The following ABCA8 variants were observed in gnomAD, a reference collection of about 807,000 sequenced individuals.
ABCA8 encodes the protein ATP binding cassette subfamily A member 8.
ABCA8 carries 177 observed loss-of-function variants against 192.3 expected under a neutral mutation model. The observed-to-expected ratio is 0.92, with a 90% CI of 0.81 to 1.04. The LOEUF is 1.04. ABCA8 is among the 50% of genes least tolerant of loss of function. The probability of loss-of-function intolerance (pLI) is 0.00; values close to 1 mark genes in which losing one functional copy is unlikely to be tolerated. For missense variants in ABCA8, 1,915 were observed against 1,904.8 expected (o/e 1.01, Z -0.10); for synonymous variants, 642 against 690.2 (o/e 0.93, Z 1.09).
At position 68,907,863 on chromosome 17, in the gene ABCA8, T is replaced by C. The variant is rs2067120682; in HGVS notation, c.2155A>G (p.Ile719Val). The change falls in exon 18 of 40, where the codon ATA becomes GTA. Residue 719 changes from isoleucine to valine, a missense_variant. Physicochemically the swap from Ile to Val is conservative, Grantham distance 29. Coordinates refer to ENST00000586539, the MANE Select transcript of ABCA8 (RefSeq NM_001288985.2). ...GYHLSLQLNE[I>V]CVEENITSLV... The stretch of plus-strand genomic sequence containing the variant: ...GATGTTATGTTTTCCTCAACACATA[T>C]TTCATTTAACTGCAAGCTGGCATTC... The C allele has an allele frequency of 6.3e-7, 1 of 1,583,792 alleles. No individual in the cohort carries two copies. The highest frequency in any genetic ancestry group is 1.4e-5 in the African/African-American group (1 of 72,476).
At position 68,867,459 on chromosome 17, in the gene ABCA8, A is replaced by G. The variant is rs1463014803; in HGVS notation, c.*626T>C. The G allele has an allele frequency of 6.6e-6, 1 of 152,210 alleles. No homozygotes were observed. The highest frequency in any genetic ancestry group is 1.5e-5 in the Non-Finnish European group (1 of 68,018). 9.4% of individuals were successfully genotyped at this position (152,210 alleles called of 1,614,324 possible). A position where few individuals can be genotyped will look rare whatever the true frequency, so the allele number is the denominator to read the frequency against. On this transcript the variant is annotated 3_prime_UTR_variant, in exon 40 of 40. Transcript: ENST00000586539. ...TTTAAAAGTCCAGTGAAAATGGCACACAGTTGGCTTACAGAAATAAAAAAG... is the reference window on the plus strand; with the variant it reads ...TTTAAAAGTCCAGTGAAAATGGCACGCAGTTGGCTTACAGAAATAAAAAAG...
At chr17:68,955,039 T>TA (rs1184280520) in intron 1 of ABCA8, among the ~76,000 whole-genome samples, 180 bp downstream of exon 1, 2 of 152,198 alleles carry the variant, frequency 1.3e-5, no homozygotes, top group Non-Finnish European at 2.9e-5. Context: ...TTACCAGATA[T>TA]AAAATCTTTA....
At chr17:68,946,015 T>G (rs191678996) in intron 2 of ABCA8, among the ~76,000 whole-genome samples, 135 of 151,986 alleles carry the variant, frequency 8.9e-4, no homozygotes, top group Non-Finnish European at 1.5e-3. Context: ...TCTGGGAGCT[T>G]ACTATTTGTG....
At chr17:68,910,766 A>G (rs2067211350) in intron 17 of ABCA8, among the ~76,000 whole-genome samples, 1 of 152,174 alleles carries the variant, frequency 6.6e-6, no homozygotes, top group Admixed American at 6.5e-5. Flanking sequence ...AGAATAGGAC[A>G]CCAGGCAGAG....
chr17:68,919,382 T>C lies in ABCA8; in HGVS notation c.1707A>G (p.Gln569=). 1 of 1,614,046 alleles carries C rather than the reference T, an allele frequency of 6.2e-7. No homozygotes were observed. ...TTTCTCTTACAGTGAGGAAGTCAAA[T>C]TGCACATTGGATTGTGGACAAACTC... ...LTGVCPQSNV[Q]FDFLTVRENL... is the part of the protein sequence containing the mutation. Residue 569 remains glutamine, a synonymous_variant, in exon 14 of 40, where the codon CAA becomes CAG. Coordinates refer to ENST00000586539, the MANE Select transcript of ABCA8 (RefSeq NM_001288985.2).
At chr17:68,878,894 T>A (rs1265032274) in intron 32 of ABCA8, 2 of 152,272 alleles carry the variant, frequency 1.3e-5, no homozygotes, top group Non-Finnish European at 1.5e-5. Flanking sequence ...CCAAGCTGTC[T>A]TTTCCTTTCT....
At position 68,911,800 on chromosome 17, in the gene ABCA8, C is replaced by T. The variant is rs1196812324; in HGVS notation, c.2139-3921G>A. On this transcript the variant is annotated intron_variant, in intron 17 of 39. Coordinates refer to ENST00000586539, the MANE Select transcript of ABCA8 (RefSeq NM_001288985.2). This position sits in a 1 kb window ranked among gnomAD's most constrained non-coding sequence, Gnocchi z 5.7. ...TTTGGAGAAAGATAAGGGAAGGGAA[C>T]AAGCATCTCTGCCTGGTAATCCAAA... 6.6e-6 allele frequency among the ~76,000 whole-genome samples: 1 copy of T among 151,674 alleles called. No individual in the cohort carries two copies. Among genetic ancestry groups the T allele is most frequent in the East Asian group, 1.9e-4 (1 of 5,166 alleles).
intron 23 of ABCA8, among the ~76,000 whole-genome samples, chr17:68,892,222 AT>A (rs2066636846): frequency 6.6e-6 from 1 of 152,160 alleles, no homozygotes; most frequent in Non-Finnish European, 1.5e-5. Flanking sequence ...TGCTTCTTTG[AT>A]TAAACACATT....
chr17:68,887,268 C>A, intron 25 of ABCA8, 68 bp downstream of exon 25: 1 of 1,438,930 alleles, frequency 6.9e-7, no homozygotes, highest in Non-Finnish European at 9.4e-7. Flanking sequence ...AGAAATGTTC[C>A]AAAATTTCAA....
Position 68,903,438 on chromosome 17 carries a change from C to T in ABCA8, c.2460G>A (p.Glu820=). 4 of 1,614,146 alleles carry T rather than the reference C, an allele frequency of 2.5e-6. No homozygotes were observed. Among genetic ancestry groups the T allele is most frequent in the Non-Finnish European group, 3.4e-6 (4 of 1,180,024 alleles). ...TAAGTGAAGAGAGGACTTGTTCCAT[C>T]TCAACAAGCCTTTCAGTGTCGTCAG... is the stretch of plus-strand genomic sequence containing the variant. ...EKADDTERLV[E]MEQVLSSLNK... The change falls in exon 20 of 40, where the codon GAG becomes GAA. Residue 820 remains glutamate, a synonymous_variant. Transcript: ENST00000586539.
intron 22 of ABCA8, 85 bp downstream of exon 22, chr17:68,894,795 T>C (rs1453616971): frequency 6.3e-6 from 9 of 1,431,358 alleles, no homozygotes; most frequent in Non-Finnish European, 8.5e-6. Context: ...CTTTTCATTT[T>C]TATTTCTTAA....
chr17:68,880,697 C>G (rs2066316090), intron 32 of ABCA8: 1 of 180,786 alleles, frequency 5.5e-6, no homozygotes, highest in Admixed American at 5.9e-5. Context: ...TGCCCCACCA[C>G]AACCAGCATG....
intron 11 of ABCA8, among the ~76,000 whole-genome samples, chr17:68,924,184 T>A (rs1337817621): frequency 6.6e-6 from 1 of 152,088 alleles, no homozygotes; most frequent in South Asian, 2.1e-4. Flanking sequence ...CCGTCTCTAT[T>A]CAAAACACAA....
intron 15 of ABCA8, 44 bp from the exon 16 acceptor site, chr17:68,918,229 A>C (rs751520182): frequency 8.1e-6 from 13 of 1,608,616 alleles, no homozygotes; most frequent in Non-Finnish European, 9.3e-6. Flanking sequence ...CTCAAAGGTG[A>C]AGTTCTTCCA....
chr17:68,900,538 C>T (rs1362668714), intron 21 of ABCA8, among the ~76,000 whole-genome samples: 1 of 108,894 alleles, frequency 9.2e-6, no homozygotes, highest in Admixed American at 9.1e-5. Flanking sequence ...CACAAAGTCT[C>T]AAAAAAAAAA....
intron 11 of ABCA8, among the ~76,000 whole-genome samples, chr17:68,923,708 T>C (rs1000491123): frequency 2.6e-5 from 4 of 152,078 alleles, no homozygotes; most frequent in Admixed American, 6.6e-5. Flanking sequence ...AAGATAAATA[T>C]GGAACAGGTT....
chr17:68,932,019 G>A, intron 7 of ABCA8: 1 of 264,066 alleles, frequency 3.8e-6, no homozygotes, highest in African/African-American at 2.2e-5. Context: ...GACCATCCTG[G>A]CTAACACGGT....
intron 16 of ABCA8, 36 bp downstream of exon 16, chr17:68,918,011 T>C: frequency 1.2e-6 from 2 of 1,610,146 alleles, no homozygotes; most frequent in Non-Finnish European, 1.7e-6. Context: ...TCTCTTAAAG[T>C]CCTCCTCAGG....
At chr17:68,940,121 T>C (rs367662728) in intron 4 of ABCA8, among the ~76,000 whole-genome samples, 31 of 152,256 alleles carry the variant, frequency 2.0e-4, no homozygotes, top group African/African-American at 7.2e-4. Context: ...ATGATTGTTA[T>C]AAAAATGATC....
Sources: gnomAD v4.1 joint callset for allele counts (sites outside exome capture counted in the v4.1 genomes callset) on GRCh38, gnomAD v4.1.1 for gene constraint, Gnocchi (gnomAD v3.1) non-coding constraint, MANE v1.5 for transcripts, NCBI Gene and HGNC (gene_info 2026-07-23, HGNC 2026-07-21) for gene names.